AIMP2: variants seen among roughly 807,000 people sequenced by gnomAD.
The protein encoded by AIMP2 is aminoacyl tRNA synthase complex-interacting multifunctional protein 2.
A neutral mutation model predicts 23.4 loss-of-function variants in AIMP2; 20 were observed. The observed-to-expected ratio is 0.85, with a 90% CI of 0.60 to 1.24. AIMP2 has a LOEUF of 1.24. Among genes scored for constraint, AIMP2 ranks in the 50% most tolerant of loss-of-function variants. The pLI is 0.00. For synonymous variants in AIMP2, 210 were observed against 170.4 expected, an observed-to-expected ratio of 1.23 and a Z score of -1.81; for missense variants, 515 against 414.5, an observed-to-expected ratio of 1.24 and a Z score of -2.10.
At chr7:6,013,508 CT>C (rs1312822374) in intron 1 of AIMP2, among the ~76,000 whole-genome samples, 1 of 152,014 alleles carries the variant, frequency 6.6e-6, no homozygotes, top group Non-Finnish European at 1.5e-5. Flanking sequence ...TGATCTGCCC[CT>C]CTCGGCCTCC....
In AIMP2 at chr7:6,015,234, G is replaced by T; in HGVS notation, c.224G>T (p.Gly75Val). 1 of 1,614,132 alleles carries T rather than the reference G, an allele frequency of 6.2e-7. No individual in the cohort carries two copies. The highest frequency in any genetic ancestry group is 8.5e-7 in the Non-Finnish European group (1 of 1,180,022). The change falls in exon 2 of 4, where the codon GGC becomes GTC. Residue 75 changes from glycine (G) to valine (V), a missense_variant. Physicochemically the swap from Gly to Val is moderately radical, Grantham distance 109 (BLOSUM62 -3). Transcript: ENST00000223029. ...RLYELKAAVD[G>V]LSKMIQTPDA... Reference sequence around the variant, plus strand: ...TATGAGTTGAAAGCTGCAGTTGATGGCCTCTCCAAGATGATTCAAACACCA... The same window carrying T: ...TATGAGTTGAAAGCTGCAGTTGATGTCCTCTCCAAGATGATTCAAACACCA...
At position 6,017,879 on chromosome 7, in the gene AIMP2, T is replaced by C; in HGVS notation, c.408T>C (p.Leu136=). 6.2e-7 allele frequency: 1 copy of C among 1,614,140 alleles called. No homozygotes were observed. The highest frequency in any genetic ancestry group is 8.5e-7 in the Non-Finnish European group (1 of 1,180,030). ...ANPASPPLSL[L]VLHRLLCEHF... ...CGGCCTCCCCTCCCCTCTCCCTGCT[T>C]GTGCTGCACAGGCTGCTCTGTGAGC... Residue 136 remains leucine (L), a synonymous_variant, in exon 3 of 4, where the codon CTT becomes CTC. Coordinates refer to ENST00000223029, the MANE Select transcript of AIMP2 (RefSeq NM_006303.4).
chr7:6,009,563 C>G, intron 1 of AIMP2, 65 bp downstream of exon 1: 2 of 1,348,634 alleles, frequency 1.5e-6, no homozygotes, highest in Non-Finnish European at 1.9e-6. Context: ...CCGGGTCCCC[C>G]CAGGCCGGAG....
intron 1 of AIMP2, among the ~76,000 whole-genome samples, chr7:6,012,196 T>G (rs544814872): frequency 6.6e-6 from 1 of 151,138 alleles, no homozygotes; most frequent in Non-Finnish European, 1.5e-5. Flanking sequence ...AGGGCTGCAT[T>G]GAGCTGTGAT....
rs57431372 is a variant in AIMP2 at position 6,010,448 on chromosome 7, GT to G, written c.135+961del. Among the ~76,000 whole-genome samples, 719 of 148,592 alleles carry G rather than the reference GT, an allele frequency of 4.8e-3. 2 individuals carry two copies. Among genetic ancestry groups the G allele is most frequent in the Middle Eastern group, 0.02 (6 of 294 alleles). On this transcript the variant is annotated intron_variant, in intron 1 of 3. Transcript: ENST00000223029. Reference sequence around the variant, plus strand: ...CCTAAACAATATAGTCTGGTTTTTTGTTTTTTTTTTTGTTTTTTTCAGATGG... The same window carrying G: ...CCTAAACAATATAGTCTGGTTTTTTGTTTTTTTTTTGTTTTTTTCAGATGG...
At chr7:6,010,433 A>G (rs1322605873) in intron 1 of AIMP2, among the ~76,000 whole-genome samples, 1 of 134,418 alleles carries the variant, frequency 7.4e-6, no homozygotes, top group East Asian at 2.5e-4. Context: ...CCTAAACAAT[A>G]TAGTCTGGTT....
chr7:6,021,342 A>AT (rs1403618014), intron 3 of AIMP2, among the ~76,000 whole-genome samples: 1 of 150,360 alleles, frequency 6.7e-6, no homozygotes, highest in African/African-American at 2.5e-5. Context: ...CCATCTCAAA[A>AT]AAAAAAAAAA....
chr7:6,023,395 C>T lies in AIMP2; in HGVS notation c.667C>T (p.Gln223Ter). ...ACGTTTCTTGTTCTCTCTGTTTGGC[C>T]AGAAGCATAATGCTGTCAACGCAAC... ...IARFLFSLFG[Q>*]KHNAVNATLI... is the part of the protein sequence containing the mutation. The change falls in exon 4 of 4, where the codon CAG (glutamine) becomes TAG (stop). Residue 223 changes from glutamine (Q) to a stop codon, truncating the protein, a stop_gained. Coordinates refer to ENST00000223029, the MANE Select transcript of AIMP2 (RefSeq NM_006303.4). LOFTEE classifies it high-confidence loss of function. 6.2e-7 allele frequency: 1 copy of T among 1,614,172 alleles called. No homozygotes were observed. Among genetic ancestry groups the T allele is most frequent in the Non-Finnish European group, 8.5e-7 (1 of 1,180,028 alleles).
chr7:6,016,234 C>T (rs912654255), intron 2 of AIMP2, among the ~76,000 whole-genome samples: 24 of 152,158 alleles, frequency 1.6e-4, no homozygotes, highest in Non-Finnish European at 2.8e-4. Context: ...CAGGCTTCAG[C>T]TAATTTAGGG....
At position 6,009,975 on chromosome 7, in the gene AIMP2, AT is replaced by A. The variant is rs1334952427; in HGVS notation, c.135+478del. On this transcript the variant is annotated intron_variant, in intron 1 of 3. Coordinates refer to ENST00000223029, the MANE Select transcript of AIMP2 (RefSeq NM_006303.4). ...AAAAAAAAAAAAAAAAAAAAAAAAA[AT>A]ATATATATATATATATGTATGTATC... is the stretch of plus-strand genomic sequence containing the variant. Among the ~76,000 whole-genome samples the A allele has an allele frequency of 3.3e-3, 145 of 43,966 alleles. 5 individuals carry two copies. The highest frequency in any genetic ancestry group is 9.6e-3 in the African/African-American group (105 of 10,986). 28.8% of individuals were successfully genotyped at this position (43,966 alleles called of 152,430 possible).
At chr7:6,016,463 T>C (rs553485355) in intron 2 of AIMP2, among the ~76,000 whole-genome samples, 154 of 152,322 alleles carry the variant, frequency 1.0e-3, no homozygotes, top group Non-Finnish European at 1.7e-3. Flanking sequence ...CATTCATGTA[T>C]TCCTTCCTCT....
rs749728733 is a variant in AIMP2 at position 6,023,366 on chromosome 7, T to C, written c.638T>C (p.Ile213Thr). The C allele has an allele frequency of 1.1e-5, 18 of 1,613,428 alleles. No individual in the cohort carries two copies. The highest frequency in any genetic ancestry group is 8.9e-5 in the East Asian group (4 of 44,804). The change falls in exon 4 of 4, where the codon ATT (isoleucine) becomes ACT (threonine). Residue 213 changes from isoleucine (I) to threonine (T), a missense_variant. Ile to Thr is a moderately conservative substitution (Grantham distance 89). Transcript: ENST00000223029. ...TMCPIEGEGN[I>T]ARFLFSLFGQ... The stretch of plus-strand genomic sequence containing the variant: ...TGCCCCATCGAAGGCGAAGGGAACA[T>C]TGCACGTTTCTTGTTCTCTCTGTTT...
In AIMP2 at chr7:6,023,251, C is replaced by T. The variant is rs1787567578; in HGVS notation, c.575-52C>T. 7 of 1,525,792 alleles carry T rather than the reference C, an allele frequency of 4.6e-6. No homozygotes were observed. In the South Asian group the frequency reaches 9.1e-5, roughly 20 times the overall value. 94.5% of individuals were successfully genotyped at this position (1,525,792 alleles called of 1,614,324 possible). ...TGTCCCCTTCCCCACTGTGCGAGTA[C>T]TTCCCTCAGGGCTGCTCTGGTGATG... On this transcript the variant is annotated intron_variant, in intron 3 of 3. Coordinates refer to ENST00000223029, the MANE Select transcript of AIMP2 (RefSeq NM_006303.4).
chr7:6,013,559 C>G (rs1322918578), intron 1 of AIMP2, among the ~76,000 whole-genome samples: 1 of 152,086 alleles, frequency 6.6e-6, no homozygotes, highest in Non-Finnish European at 1.5e-5. Flanking sequence ...GCGCGCCCAG[C>G]CTTGAGTTTC....
intron 1 of AIMP2, among the ~76,000 whole-genome samples, chr7:6,013,788 AAAAAATTT>A (rs1382864873): frequency 1.3e-5 from 2 of 152,076 alleles, no homozygotes; most frequent in Non-Finnish European, 2.9e-5. Flanking sequence ...TGTCTCTACA[AAAAAATTT>A]AAAAATTAGC....
intron 2 of AIMP2, among the ~76,000 whole-genome samples, chr7:6,017,543 A>G (rs1172380272): frequency 6.7e-6 from 1 of 149,220 alleles, no homozygotes; most frequent in Non-Finnish European, 1.5e-5. Flanking sequence ...AAAAAGTGTC[A>G]TTCCTCATAT....
Position 6,012,850 on chromosome 7 carries a change from C to G in AIMP2, c.136-2296C>G, listed in dbSNP as rs530758759. The G allele has an allele frequency of 1.5e-5, 15 of 998,246 alleles. No homozygotes were observed. The African/African-American group carries it at 2.6e-4, about 17-fold the overall frequency. The allele number at this position is 998,246 out of a possible 1,614,324, so 61.8% of individuals were successfully genotyped here. A position where few individuals can be genotyped will look rare whatever the true frequency, so the allele number is the denominator to read the frequency against. On this transcript the variant is annotated intron_variant, in intron 1 of 3. Transcript: ENST00000223029. ...TACAGGTATCAGCCACTGTGCCTAG[C>G]CAGCACTCAATAATTTAATTGGCAT...
rs139583906 is a variant in AIMP2, at chr7:6,022,979, G to A, written c.575-324G>A. 3.5e-3 allele frequency: 951 copies of A among 274,824 alleles called. 16 individuals are homozygous for A. The highest frequency in any genetic ancestry group is 0.012 in the East Asian group (163 of 13,472). The allele number at this position is 274,824 out of a possible 1,614,324, so 17.0% of individuals were successfully genotyped here. On this transcript the variant is annotated intron_variant, in intron 3 of 3. Transcript: ENST00000223029. ...TGAGGCCAAGAGCCTGGGAGATGCAGCTCCTGGGTTTCCAGCCCTCAGCCC... is the reference window on the plus strand; with the variant it reads ...TGAGGCCAAGAGCCTGGGAGATGCAACTCCTGGGTTTCCAGCCCTCAGCCC...
At chr7:6,010,448 GTT>G (rs57431372) in intron 1 of AIMP2, among the ~76,000 whole-genome samples, 96,347 of 148,488 alleles carry the variant, frequency 0.65, 31,432 homozygotes, top group East Asian at 0.89. Flanking sequence ...CTGGTTTTTT[GTT>G]TTTTTTTTTG....
Sources: allele counts gnomAD v4.1 joint callset (sites outside exome capture counted in the v4.1 genomes callset), GRCh38; gene constraint gnomAD v4.1.1; transcripts MANE v1.5; gene names NCBI Gene and HGNC (gene_info 2026-07-23, HGNC 2026-07-21).